The following GRK5 variants were observed in gnomAD, a reference collection of about 807,000 sequenced individuals.
GRK5 encodes the protein g protein-coupled receptor kinase GRK5.
Under a neutral mutation model 78.4 loss-of-function variants are expected in GRK5, and 40 were observed. The ratio of observed to expected loss-of-function variants is 0.51; its 90% CI spans 0.40 to 0.66. GRK5 has a LOEUF of 0.66. Among genes scored for constraint, GRK5 ranks in the 30% least tolerant of loss-of-function variants. The pLI is 0.00. For synonymous variants in GRK5, 289 were observed against 296.8 expected (o/e 0.97, Z 0.27); for missense variants, 598 against 759.9 (o/e 0.79, Z 2.50).
chr10:119,334,571 T>C (rs1449515463), intron 2 of GRK5: 1 of 152,234 alleles, frequency 6.6e-6, no homozygotes, highest in Non-Finnish European at 1.5e-5. Flanking sequence ...GGCTGGAATG[T>C]CATCACGAAG....
chr10:119,373,707 T>C lies in GRK5; in HGVS notation c.149-7108T>C, dbSNP rs554249401. Among the ~76,000 whole-genome samples the C allele has an allele frequency of 6.6e-5, 10 of 152,220 alleles. No individual in the cohort carries two copies. In the South Asian group the frequency reaches 2.1e-3, roughly 32 times the overall value. On this transcript the variant is annotated intron_variant, in intron 2 of 15. Transcript: ENST00000392870. ...TTCAGTAGGCTCCCAGGTGGAATATTTTGAGAGTTACTGAAATGTGACACA... is the reference window on the plus strand; with the variant it reads ...TTCAGTAGGCTCCCAGGTGGAATATCTTGAGAGTTACTGAAATGTGACACA...
At chr10:119,222,053 C>T (rs1023871182) in intron 1 of GRK5, among the ~76,000 whole-genome samples, 4 of 152,282 alleles carry the variant, frequency 2.6e-5, no homozygotes, top group African/African-American at 9.6e-5. Flanking sequence ...GGATCTCTCA[C>T]TGTGGATCAT....
At chr10:119,424,585 C>T (rs543997783) in intron 5 of GRK5, among the ~76,000 whole-genome samples, 1 of 148,268 alleles carries the variant, frequency 6.7e-6, no homozygotes, top group East Asian at 2.0e-4. Context: ...ATTCCCAGCC[C>T]CTCATTAAGT....
chr10:119,401,133 T>A (rs1022511521), intron 4 of GRK5, among the ~76,000 whole-genome samples: 8 of 152,164 alleles, frequency 5.3e-5, no homozygotes, highest in Middle Eastern at 3.4e-3. Flanking sequence ...GCCCGTCAGC[T>A]CTCCTGTCTC....
intron 1 of GRK5, among the ~76,000 whole-genome samples, chr10:119,261,655 G>A (rs950814869): frequency 6.6e-6 from 1 of 152,246 alleles, no homozygotes; most frequent in South Asian, 2.1e-4. Flanking sequence ...CCGGCACCTC[G>A]GGAGGCCGAG....
At chr10:119,454,452 C>G (rs1853359767) in intron 15 of GRK5, among the ~76,000 whole-genome samples, 3 of 152,218 alleles carry the variant, frequency 2.0e-5, no homozygotes, top group Non-Finnish European at 4.4e-5. Flanking sequence ...TCCTCCTCCC[C>G]TCTGCAACAT....
rs888811022 is a variant in GRK5 at position 119,271,291 on chromosome 10, C to A, written c.53-55225C>A. Among the ~76,000 whole-genome samples, 9 of 152,236 alleles carry A rather than the reference C, an allele frequency of 5.9e-5. No individual in the cohort carries two copies. Among genetic ancestry groups the A allele is most frequent in the Admixed American group, 5.2e-4 (8 of 15,282 alleles). On this transcript the variant is annotated intron_variant, in intron 1 of 15. Transcript: ENST00000392870. This position sits in a 1 kb window ranked among gnomAD's most constrained non-coding sequence, Gnocchi z 4.1. ...GGCCTCTTTAGAGGCTCTCTCATCC[C>A]CTCGAGCTGCCAACACAATCAAGGG... is the stretch of plus-strand genomic sequence containing the variant.
chr10:119,452,304 G>T lies in GRK5; in HGVS notation c.1405-367G>T. 4.0e-6 allele frequency: 1 copy of T among 252,220 alleles called. No individual in the cohort carries two copies. Among genetic ancestry groups the T allele is most frequent in the South Asian group, 6.1e-5 (1 of 16,286 alleles). The allele number at this position is 252,220 out of a possible 1,614,324, so 15.6% of individuals were successfully genotyped here. A position where few individuals can be genotyped will look rare whatever the true frequency, so the allele number is the denominator to read the frequency against. On this transcript the variant is annotated intron_variant, in intron 13 of 15. Coordinates refer to ENST00000392870, the MANE Select transcript of GRK5 (RefSeq NM_005308.3). This position sits in a 1 kb window ranked among gnomAD's most constrained non-coding sequence, Gnocchi z 4.4. ...TCTAGCCCACGTCTGTCCAGTATGG[G>T]TAAGGGAGTGATGGCAGGAATGAGC...
chr10:119,254,474 G>A (rs1849249261), intron 1 of GRK5, among the ~76,000 whole-genome samples: 1 of 152,184 alleles, frequency 6.6e-6, no homozygotes, highest in Non-Finnish European at 1.5e-5. Context: ...TGCTCAGGGG[G>A]CTTACAGCCT....
chr10:119,448,708 T>G (rs1401562164), intron 13 of GRK5, among the ~76,000 whole-genome samples: 2 of 152,082 alleles, frequency 1.3e-5, no homozygotes, highest in African/African-American at 2.4e-5. Context: ...GACGCCAGGT[T>G]CTGGGCCAGG....
intron 1 of GRK5, among the ~76,000 whole-genome samples, chr10:119,231,444 G>A (rs1848827195): frequency 6.6e-6 from 1 of 152,170 alleles, no homozygotes; most frequent in Non-Finnish European, 1.5e-5. Context: ...AGTGGGTCAT[G>A]CCTGTAATCC....
intron 6 of GRK5, among the ~76,000 whole-genome samples, chr10:119,429,906 T>C (rs1852780695): frequency 6.6e-6 from 1 of 152,168 alleles, no homozygotes; most frequent in Non-Finnish European, 1.5e-5. Flanking sequence ...GTCATCCTGC[T>C]GGGCAGACTG....
chr10:119,447,056 AAG>A (rs2133913938), intron 12 of GRK5, among the ~76,000 whole-genome samples: 1 of 152,342 alleles, frequency 6.6e-6, no homozygotes, highest in African/African-American at 2.4e-5. Flanking sequence ...GGCAGAGGAG[AAG>A]AGAGAATCAC....
At chr10:119,249,864 C>A (rs1323129184) in intron 1 of GRK5, among the ~76,000 whole-genome samples, 1 of 152,218 alleles carries the variant, frequency 6.6e-6, no homozygotes, top group Non-Finnish European at 1.5e-5. Flanking sequence ...ATTGTAAGTG[C>A]ATAACTCTTT....
intron 4 of GRK5, among the ~76,000 whole-genome samples, chr10:119,418,203 C>G (rs1001199672): frequency 6.6e-6 from 1 of 152,176 alleles, no homozygotes; most frequent in Non-Finnish European, 1.5e-5. Flanking sequence ...AGGGCAGGTT[C>G]TTTTACCTCC....
chr10:119,447,623 T>A (rs1370603008), intron 12 of GRK5, among the ~76,000 whole-genome samples: 1 of 152,098 alleles, frequency 6.6e-6, no homozygotes, highest in Non-Finnish European at 1.5e-5. Flanking sequence ...GGGTGCCCGA[T>A]CTGTATCACC....
chr10:119,218,245 G>C (rs576097383), intron 1 of GRK5, among the ~76,000 whole-genome samples: 1 of 152,046 alleles, frequency 6.6e-6, no homozygotes, highest in Non-Finnish European at 1.5e-5. Context: ...TGATGATGAG[G>C]GTACAGGAAG....
chr10:119,346,204 A>G (rs1851089554), intron 2 of GRK5, among the ~76,000 whole-genome samples: 1 of 152,214 alleles, frequency 6.6e-6, no homozygotes, highest in South Asian at 2.1e-4. Context: ...AAGCAAGGGA[A>G]TCAGTGAGGA....
chr10:119,416,929 A>G (rs1852468029), intron 4 of GRK5, among the ~76,000 whole-genome samples: 1 of 152,104 alleles, frequency 6.6e-6, no homozygotes, highest in African/African-American at 2.4e-5. Flanking sequence ...TTGTTGTTGC[A>G]GAGGCCGTAC....
Sources: allele counts gnomAD v4.1 joint callset (sites outside exome capture counted in the v4.1 genomes callset), GRCh38; gene constraint gnomAD v4.1.1; non-coding constraint Gnocchi (gnomAD v3.1); transcripts MANE v1.5; gene names NCBI Gene and HGNC (gene_info 2026-07-23, HGNC 2026-07-21).